HFM1: variants seen among roughly 807,000 people sequenced by gnomAD.
The protein encoded by HFM1 is helicase for meiosis 1, also known as probable ATP-dependent DNA helicase HFM1.
A neutral mutation model predicts 192.1 loss-of-function variants in HFM1; 169 were observed. The observed-to-expected ratio is 0.88, with a 90% CI of 0.78 to 1.00. The LOEUF is 1.00. Among genes scored for constraint, HFM1 ranks in the 50% least tolerant of loss-of-function variants. HFM1 has a pLI of 0.00. For synonymous variants in HFM1, 525 were observed against 537.8 expected (o/e 0.98, Z 0.33); for missense variants, 1,661 against 1,668.0 (o/e 1.00, Z 0.07).
intron 30 of HFM1, among the ~76,000 whole-genome samples, chr1:91,285,301 T>C (rs1028084327): frequency 6.6e-6 from 1 of 152,238 alleles, no homozygotes; most frequent in African/African-American, 2.4e-5. Flanking sequence ...TGTTTTTGTT[T>C]TTATATATAG....
chr1:91,393,964 T>G lies in HFM1; in HGVS notation c.494+129A>C, dbSNP rs138408916. The G allele has an allele frequency of 2.2e-3, 1,194 of 539,018 alleles. 18 individuals are homozygous for G. The highest frequency in any genetic ancestry group is 0.021 in the African/African-American group (1,090 of 51,320). 33.4% of individuals were successfully genotyped at this position (539,018 alleles called of 1,614,324 possible). ...ACTATGACACCAGGAATGGAGAAAG[T>G]AAGGAATTATTTAGGAGATAGAATT... On this transcript the variant is annotated intron_variant, in intron 4 of 38. Transcript: ENST00000370425.
intron 1 of HFM1, among the ~76,000 whole-genome samples, chr1:91,402,171 C>T (rs770630733): frequency 8.5e-5 from 13 of 152,060 alleles, no homozygotes; most frequent in Non-Finnish European, 1.6e-4. Flanking sequence ...TGGAGAAATA[C>T]GCATTACCAA....
At chr1:91,353,755 C>G (rs1357511239) in intron 13 of HFM1, among the ~76,000 whole-genome samples, 4 of 148,396 alleles carry the variant, frequency 2.7e-5, no homozygotes, top group Non-Finnish European at 4.5e-5. Flanking sequence ...AGATGGTCAA[C>G]TAGAGATGCC....
intron 20 of HFM1, chr1:91,329,423 A>G (rs1164428595): frequency 6.4e-7 from 1 of 1,572,202 alleles, no homozygotes; most frequent in Non-Finnish European, 8.6e-7. Flanking sequence ...TGACTGGCTC[A>G]CTCTCTTCAG....
intron 11 of HFM1, among the ~76,000 whole-genome samples, chr1:91,376,239 T>C (rs1051541369): frequency 1.3e-5 from 2 of 152,042 alleles, no homozygotes; most frequent in Non-Finnish European, 2.9e-5. Flanking sequence ...AGACTCAAGC[T>C]AGATTCTGGA....
At chr1:91,369,889 T>TA (rs1024814911) in intron 13 of HFM1, among the ~76,000 whole-genome samples, 4 of 151,800 alleles carry the variant, frequency 2.6e-5, no homozygotes, top group Admixed American at 6.6e-5. Flanking sequence ...ATAGACGCAA[T>TA]AAAAAATGAT....
chr1:91,306,929 A>G (rs1436262558), intron 30 of HFM1, among the ~76,000 whole-genome samples: 1 of 152,158 alleles, frequency 6.6e-6, no homozygotes, highest in African/African-American at 2.4e-5. Flanking sequence ...TTCTCAATAA[A>G]TATTCTCATT....
chr1:91,329,748 T>C (rs1653520995), intron 20 of HFM1, among the ~76,000 whole-genome samples: 1 of 152,216 alleles, frequency 6.6e-6, no homozygotes, highest in African/African-American at 2.4e-5. Context: ...CTCAAACCAC[T>C]TCTCAGGCAG....
At chr1:91,333,099 G>T (rs1029642760) in intron 20 of HFM1, among the ~76,000 whole-genome samples, 1 of 152,048 alleles carries the variant, frequency 6.6e-6, no homozygotes, top group African/African-American at 2.4e-5. Flanking sequence ...CCCACTGCTG[G>T]GTATATACCC....
At chr1:91,266,704 C>A (rs1169402965) in intron 35 of HFM1, among the ~76,000 whole-genome samples, 2 of 152,082 alleles carry the variant, frequency 1.3e-5, no homozygotes, top group Non-Finnish European at 2.9e-5. Context: ...AAAGCTGTGC[C>A]GTCTTAGGAC....
At chr1:91,300,464 T>G (rs1213733504) in intron 30 of HFM1, among the ~76,000 whole-genome samples, 6 of 152,152 alleles carry the variant, frequency 3.9e-5, no homozygotes, top group Admixed American at 2.0e-4. Context: ...TACCAAAGCC[T>G]GGCAGAGACA....
intron 30 of HFM1, among the ~76,000 whole-genome samples, chr1:91,277,620 CTAA>C: frequency 8.3e-6 from 1 of 121,172 alleles, no homozygotes; most frequent in Non-Finnish European, 1.6e-5. Flanking sequence ...ATACTATATA[CTAA>C]TATATATAAT....
intron 34 of HFM1, among the ~76,000 whole-genome samples, chr1:91,268,686 C>T (rs563630715): frequency 2.6e-5 from 4 of 152,086 alleles, no homozygotes; most frequent in African/African-American, 4.8e-5. Flanking sequence ...ATACAGCACA[C>T]GTTTTACAAA....
At chr1:91,261,558 T>C in intron 38 of HFM1, 199 bp from the exon 39 acceptor site, 1 of 351,504 alleles carries the variant, frequency 2.8e-6, no homozygotes, top group Non-Finnish European at 5.2e-6. Context: ...ATGCAAATGG[T>C]AGGAACTGTA....
At position 91,316,303 on chromosome 1, in the gene HFM1, A is replaced by G. The variant is rs1651212322; in HGVS notation, c.2898+88T>C. 8 of 1,014,096 alleles carry G rather than the reference A, an allele frequency of 7.9e-6. No homozygotes were observed. In the East Asian group the frequency reaches 1.7e-4, roughly 22 times the overall value. 62.8% of individuals were successfully genotyped at this position (1,014,096 alleles called of 1,614,324 possible). A position where few individuals can be genotyped will look rare whatever the true frequency, so the allele number is the denominator to read the frequency against. ...CACCCAAAAGTAAGTTGAAATACTT[A>G]TAACTATGAGAAGGAAAATAACTTT... On this transcript the variant is annotated intron_variant, in intron 26 of 38. Coordinates refer to ENST00000370425, the MANE Select transcript of HFM1 (RefSeq NM_001017975.6).
At chr1:91,340,930 C>T (rs954827116) in intron 20 of HFM1, among the ~76,000 whole-genome samples, 3 of 152,136 alleles carry the variant, frequency 2.0e-5, no homozygotes, top group African/African-American at 7.2e-5. Context: ...TACTAGAGCA[C>T]ACAGATTCAT....
chr1:91,395,781 AAAT>A (rs1187784746), intron 3 of HFM1, among the ~76,000 whole-genome samples: 1 of 152,192 alleles, frequency 6.6e-6, no homozygotes, highest in East Asian at 1.9e-4. Context: ...GTTTTTAAAA[AAAT>A]ATTGCCATGA....
At chr1:91,297,552 G>C (rs1296480156) in intron 30 of HFM1, among the ~76,000 whole-genome samples, 5 of 152,202 alleles carry the variant, frequency 3.3e-5, no homozygotes, top group Admixed American at 2.6e-4. Flanking sequence ...AGTAGGGGCA[G>C]ACTGACAACT....
intron 18 of HFM1, among the ~76,000 whole-genome samples, chr1:91,350,433 T>C (rs1349490083): frequency 6.6e-6 from 1 of 152,108 alleles, no homozygotes; most frequent in Admixed American, 6.5e-5. Flanking sequence ...AATTCAAAAC[T>C]TTTTGTAACT....
Sources: allele counts gnomAD v4.1 joint callset (sites outside exome capture counted in the v4.1 genomes callset), GRCh38; gene constraint gnomAD v4.1.1; transcripts MANE v1.5; gene names NCBI Gene and HGNC (gene_info 2026-07-23, HGNC 2026-07-21).